The following RTN1 variants were observed in gnomAD, a reference collection of about 807,000 sequenced individuals.
The protein encoded by RTN1 is reticulon-1.
RTN1 carries 25 observed loss-of-function variants against 65.5 expected under a neutral mutation model. The observed-to-expected ratio is 0.38, with a 90% CI of 0.28 to 0.53. RTN1 has a LOEUF of 0.53. Among genes scored for constraint, RTN1 ranks in the 20% least tolerant of loss-of-function variants. The pLI is 0.79. For synonymous variants in RTN1, 471 were observed against 447.6 expected (o/e 1.05, Z -0.66); for missense variants, 983 against 1,025.4 (o/e 0.96, Z 0.57).
intron 1 of RTN1, among the ~76,000 whole-genome samples, chr14:59,786,066 C>G (rs1383169271): frequency 2.0e-5 from 3 of 152,170 alleles, no homozygotes; most frequent in African/African-American, 7.2e-5. Flanking sequence ...AAAGAAGCCA[C>G]TTAGAGGTAG....
intron 3 of RTN1, among the ~76,000 whole-genome samples, chr14:59,633,577 A>G (rs986351841): frequency 6.6e-6 from 1 of 152,244 alleles, no homozygotes; most frequent in Non-Finnish European, 1.5e-5. Context: ...TGGGTAGAGA[A>G]GATATGTAAA....
In RTN1 at chr14:59,654,523, GA is replaced by G. The variant is rs35560804; in HGVS notation, c.1766-47032del. On this transcript the variant is annotated intron_variant, in intron 3 of 8. Coordinates refer to ENST00000267484, the MANE Select transcript of RTN1 (RefSeq NM_021136.3). ...TGCTAAAATCAGAAAAAGTCATTAT[GA>G]AAAAAAAAAAAACTACAGAGCAATA... Among the ~76,000 whole-genome samples, 446 of 132,276 alleles carry G rather than the reference GA, an allele frequency of 3.4e-3. 2 individuals are homozygous for G. Among genetic ancestry groups the G allele is most frequent in the East Asian group, 6.3e-3 (29 of 4,602 alleles). 86.8% of individuals were successfully genotyped at this position (132,276 alleles called of 152,430 possible). A position where few individuals can be genotyped will look rare whatever the true frequency, so the allele number is the denominator to read the frequency against.
At chr14:59,657,767 C>T (rs1230284365) in intron 3 of RTN1, among the ~76,000 whole-genome samples, 9 of 152,162 alleles carry the variant, frequency 5.9e-5, no homozygotes, top group African/African-American at 1.2e-4. Context: ...GAGATTCCCT[C>T]GGGTACCTAC....
chr14:59,743,566 G>A (rs1885155609), intron 2 of RTN1, among the ~76,000 whole-genome samples: 1 of 152,164 alleles, frequency 6.6e-6, no homozygotes, highest in African/African-American at 2.4e-5. Context: ...CATGTTTTAG[G>A]CAGGGGCAAG....
intron 4 of RTN1, 77 bp from the exon 5 acceptor site, chr14:59,605,583 A>T: frequency 6.7e-7 from 1 of 1,486,612 alleles, no homozygotes; most frequent in Non-Finnish European, 9.3e-7. Flanking sequence ...AGTAACAGCT[A>T]AGCGTTCCTA....
chr14:59,630,944 G>C, intron 3 of RTN1: 9 of 612,530 alleles, frequency 1.5e-5, no homozygotes, highest in African/African-American at 2.0e-5. Flanking sequence ...AATATGCGAG[G>C]TGCATATTCT....
chr14:59,713,032 T>C (rs1258442554), intron 3 of RTN1, among the ~76,000 whole-genome samples: 1 of 152,116 alleles, frequency 6.6e-6, no homozygotes, highest in Non-Finnish European at 1.5e-5. Flanking sequence ...GCACTTTACC[T>C]AAATTATCTC....
chr14:59,764,125 GA>G (rs1885803586), intron 1 of RTN1, among the ~76,000 whole-genome samples: 1 of 152,094 alleles, frequency 6.6e-6, no homozygotes, highest in South Asian at 2.1e-4. Flanking sequence ...AGAGCTTATG[GA>G]GCCATTGTAA....
intron 1 of RTN1, among the ~76,000 whole-genome samples, chr14:59,819,724 C>T (rs556994035): frequency 9.9e-5 from 15 of 152,114 alleles, no homozygotes; most frequent in African/African-American, 1.4e-4. Context: ...TGTGGGGAGG[C>T]GGCTGAGGCC....
intron 1 of RTN1, among the ~76,000 whole-genome samples, chr14:59,805,469 C>T (rs948384580): frequency 6.6e-6 from 1 of 152,178 alleles, no homozygotes; most frequent in African/African-American, 2.4e-5. Context: ...CCTGAATATT[C>T]TGATTGGAAC....
intron 2 of RTN1, among the ~76,000 whole-genome samples, chr14:59,735,325 T>G (rs1012019249): frequency 1.3e-5 from 2 of 152,204 alleles, no homozygotes; most frequent in South Asian, 4.1e-4. Context: ...AGCAACCACA[T>G]AAACAAGTCA....
intron 3 of RTN1, among the ~76,000 whole-genome samples, chr14:59,719,331 A>T (rs1161335934): frequency 6.6e-6 from 1 of 152,168 alleles, no homozygotes; most frequent in African/African-American, 2.4e-5. Flanking sequence ...ATTGTCTGGA[A>T]CTTGCTTTAA....
rs1261852508 is a variant in RTN1 at position 59,831,725 on chromosome 14, G to A, written c.241+38665C>T. Among the ~76,000 whole-genome samples the A allele has an allele frequency of 8.6e-5, 13 of 152,038 alleles. No homozygotes were observed. The East Asian group carries it at 1.7e-3, about 20-fold the overall frequency. ...TTGGCAGTCCCAGAATATGGCAGTA[G>A]GGCAGGACATATATATATATTCCAT... On this transcript the variant is annotated intron_variant, in intron 1 of 8. Coordinates refer to ENST00000267484, the MANE Select transcript of RTN1 (RefSeq NM_021136.3).
At chr14:59,725,850 T>G (rs559311559) in intron 3 of RTN1, among the ~76,000 whole-genome samples, 41 of 152,348 alleles carry the variant, frequency 2.7e-4, no homozygotes, top group African/African-American at 9.6e-4. Context: ...CTAACATCAT[T>G]GAAGTTAGCA....
intron 1 of RTN1, among the ~76,000 whole-genome samples, chr14:59,755,313 A>G (rs1885615566): frequency 6.6e-6 from 1 of 152,224 alleles, no homozygotes; most frequent in African/African-American, 2.4e-5. Context: ...TAGAGCCAAT[A>G]TTAACAGGTA....
chr14:59,754,528 G>C lies in RTN1; in HGVS notation c.242-8047C>G, dbSNP rs374712120. 8.5e-5 allele frequency among the ~76,000 whole-genome samples: 13 copies of C among 152,230 alleles called. No homozygotes were observed. The East Asian group carries it at 2.5e-3, about 29-fold the overall frequency. On this transcript the variant is annotated intron_variant, in intron 1 of 8. Coordinates refer to ENST00000267484, the MANE Select transcript of RTN1 (RefSeq NM_021136.3). ...CACTAACTGGCAGTTGTGAGATGTT[G>C]GGTAAGTTAGCCTCTTAGAGCCTCG...
chr14:59,664,598 C>G (rs1328580720), intron 3 of RTN1, among the ~76,000 whole-genome samples: 1 of 152,056 alleles, frequency 6.6e-6, no homozygotes, highest in Non-Finnish European at 1.5e-5. Flanking sequence ...ATATTTAAAC[C>G]TATGCCCATG....
At chr14:59,660,455 T>A (rs772972621) in intron 3 of RTN1, among the ~76,000 whole-genome samples, 1 of 152,126 alleles carries the variant, frequency 6.6e-6, no homozygotes, top group Admixed American at 6.5e-5. Context: ...CTGTACCACA[T>A]TGCACTTATT....
intron 3 of RTN1, among the ~76,000 whole-genome samples, chr14:59,659,078 C>T (rs1014152958): frequency 1.8e-4 from 27 of 151,502 alleles, no homozygotes; most frequent in African/African-American, 4.6e-4. Flanking sequence ...AAGAGAACTT[C>T]GTGAAGCATA....
Sources: gnomAD v4.1 joint callset for allele counts (sites outside exome capture counted in the v4.1 genomes callset) on GRCh38, gnomAD v4.1.1 for gene constraint, MANE v1.5 for transcripts, NCBI Gene and HGNC (gene_info 2026-07-23, HGNC 2026-07-21) for gene names.